Variants in SRPK2 observed in about 807,000 individuals in gnomAD.
SRPK2 encodes SRSF protein kinase 2, also known as SFRS protein kinase 2.
In SRPK2, 21 loss-of-function variants were observed where a neutral mutation model predicts 90.8. The ratio of observed to expected loss-of-function variants is 0.23; its 90% CI spans 0.16 to 0.33. The LOEUF is 0.33. SRPK2 is among the 10% of genes least tolerant of loss of function. The pLI is 1.00. For synonymous variants in SRPK2, 288 were observed against 311.1 expected, an observed-to-expected ratio of 0.93 and a Z score of 0.78; for missense variants, 620 against 869.0, an observed-to-expected ratio of 0.71 and a Z score of 3.60.
intron 2 of SRPK2, among the ~76,000 whole-genome samples, chr7:105,221,114 T>C (rs1021253852): frequency 6.6e-6 from 1 of 152,176 alleles, no homozygotes; most frequent in Admixed American, 6.5e-5. Flanking sequence ...CTAAAACATA[T>C]TACGGATATT....
chr7:105,213,520 A>G (rs1306751917), intron 2 of SRPK2, among the ~76,000 whole-genome samples: 1 of 121,346 alleles, frequency 8.2e-6, no homozygotes, highest in Non-Finnish European at 2.1e-5. Flanking sequence ...ACAAAGTTAA[A>G]CAAGCCACCA....
chr7:105,348,482 T>C (rs543016284), intron 2 of SRPK2, among the ~76,000 whole-genome samples: 3 of 150,196 alleles, frequency 2.0e-5, no homozygotes, highest in South Asian at 2.1e-4. Flanking sequence ...TGGAGTGCAA[T>C]GGCATGATCA....
At chr7:105,311,238 C>A (rs147382159) in intron 2 of SRPK2, among the ~76,000 whole-genome samples, 106 of 152,088 alleles carry the variant, frequency 7.0e-4, no homozygotes, top group African/African-American at 2.5e-3. Flanking sequence ...TAATTTCTTT[C>A]TTATTTTTTT....
intron 2 of SRPK2, among the ~76,000 whole-genome samples, chr7:105,253,443 C>T (rs945738286): frequency 6.6e-6 from 1 of 152,172 alleles, no homozygotes; most frequent in African/African-American, 2.4e-5. Flanking sequence ...TCTTGGTAAA[C>T]ATCAGCATAA....
intron 2 of SRPK2, among the ~76,000 whole-genome samples, chr7:105,278,542 C>T (rs1366955216): frequency 6.7e-6 from 1 of 149,290 alleles, no homozygotes; most frequent in African/African-American, 2.4e-5. Flanking sequence ...AAAAAATAGC[C>T]GGGAGTGGTG....
chr7:105,215,709 A>T (rs189557911), intron 2 of SRPK2, among the ~76,000 whole-genome samples: 71 of 152,316 alleles, frequency 4.7e-4, no homozygotes, highest in Admixed American at 8.5e-4. Flanking sequence ...TGACAGCATT[A>T]AAGTATTATA....
chr7:105,333,066 C>T (rs1262902058), intron 2 of SRPK2, among the ~76,000 whole-genome samples: 1 of 151,914 alleles, frequency 6.6e-6, no homozygotes, highest in African/African-American at 2.4e-5. Context: ...TGGTGGCACT[C>T]GCCTGTAATC....
In SRPK2 at chr7:105,232,898, A is replaced by G. The variant is rs1156646316; in HGVS notation, c.72-29113T>C. ...TGTGGTGGCGGGTGCCTGTAATCCC[A>G]GCTATTCAGGAGCCTGAGGCAGGAG... On this transcript the variant is annotated intron_variant, in intron 2 of 15. Transcript: ENST00000393651. Among the ~76,000 whole-genome samples, 10 of 152,136 alleles carry G rather than the reference A, an allele frequency of 6.6e-5. No homozygotes were observed. In the East Asian group the frequency reaches 1.9e-3, roughly 29 times the overall value.
intron 2 of SRPK2, among the ~76,000 whole-genome samples, chr7:105,322,075 A>G (rs1418203868): frequency 6.6e-6 from 1 of 152,232 alleles, no homozygotes; most frequent in Non-Finnish European, 1.5e-5. Context: ...GGATGAACAA[A>G]TCCTGGTGTA....
At chr7:105,262,246 A>G (rs542129816) in intron 2 of SRPK2, among the ~76,000 whole-genome samples, 2 of 152,378 alleles carry the variant, frequency 1.3e-5, no homozygotes, top group African/African-American at 4.8e-5. Flanking sequence ...AACATTGTCC[A>G]GTCTTTCATT....
chr7:105,382,528 G>C (rs1346267444), intron 2 of SRPK2, among the ~76,000 whole-genome samples: 1 of 136,012 alleles, frequency 7.4e-6, no homozygotes, highest in Admixed American at 8.3e-5. Flanking sequence ...CTCCAGCCTG[G>C]GCAACAAGAG....
chr7:105,375,979 A>C (rs76860676), intron 2 of SRPK2, among the ~76,000 whole-genome samples: 1 of 42,838 alleles, frequency 2.3e-5, no homozygotes, highest in South Asian at 8.3e-4. Flanking sequence ...ATGAGAATTC[A>C]TTTCTTTTTT....
intron 2 of SRPK2, among the ~76,000 whole-genome samples, chr7:105,322,322 C>A (rs1427453093): frequency 2.0e-5 from 3 of 152,072 alleles, no homozygotes; most frequent in Middle Eastern, 3.2e-3. Flanking sequence ...GAGGCTGAAG[C>A]AGGAGAATCG....
At chr7:105,350,951 G>A (rs891337059) in intron 2 of SRPK2, among the ~76,000 whole-genome samples, 8 of 152,070 alleles carry the variant, frequency 5.3e-5, no homozygotes, top group South Asian at 2.1e-4. Context: ...CCTATCTTAC[G>A]CGCTTTATCT....
chr7:105,195,786 G>A (rs182075722), intron 3 of SRPK2, among the ~76,000 whole-genome samples: 50 of 151,532 alleles, frequency 3.3e-4, no homozygotes, highest in Middle Eastern at 3.4e-3. Context: ...TATTATTAAC[G>A]AACCACACTT....
At chr7:105,176,571 GTGTGTGTGTA>G (rs1791887265) in intron 3 of SRPK2, among the ~76,000 whole-genome samples, 1 of 130,540 alleles carries the variant, frequency 7.7e-6, no homozygotes, top group Non-Finnish European at 1.6e-5. Flanking sequence ...GTGTGTGTGT[GTGTGTGTGTA>G]TGTATATATG....
At position 105,143,539 on chromosome 7, in the gene SRPK2, A is replaced by G. The variant is rs542868451; in HGVS notation, c.814-209T>C. The G allele has an allele frequency of 5.3e-4, 328 of 616,424 alleles. 8 individuals carry two copies. In the South Asian group the frequency reaches 6.6e-3, roughly 12 times the overall value. The allele number at this position is 616,424 out of a possible 1,614,324, so 38.2% of individuals were successfully genotyped here. A position where few individuals can be genotyped will look rare whatever the true frequency, so the allele number is the denominator to read the frequency against. ...CTGACTGATATCACGTACTAGGTCT[A>G]CTACCAGGTCCTGCCCTCAGAGGGA... is the stretch of plus-strand genomic sequence containing the variant. On this transcript the variant is annotated intron_variant, in intron 9 of 15. Transcript: ENST00000393651.
intron 3 of SRPK2, among the ~76,000 whole-genome samples, chr7:105,201,846 T>G (rs746404224): frequency 6.6e-6 from 1 of 151,910 alleles, no homozygotes. Context: ...ATCACGCCAT[T>G]GCACTCCAGC....
intron 2 of SRPK2, among the ~76,000 whole-genome samples, chr7:105,276,564 T>C (rs964841146): frequency 6.6e-6 from 1 of 150,484 alleles, no homozygotes; most frequent in Non-Finnish European, 1.5e-5. Context: ...ATAGTGAGAC[T>C]TCATCTCTTA....
Sources: allele counts gnomAD v4.1 joint callset (sites outside exome capture counted in the v4.1 genomes callset), GRCh38; gene constraint gnomAD v4.1.1; transcripts MANE v1.5; gene names NCBI Gene and HGNC (gene_info 2026-07-23, HGNC 2026-07-21).